The following SLC67A2 variants were observed in gnomAD, a reference collection of about 807,000 sequenced individuals.
SLC67A2 encodes solute carrier family 67 member 2, also known as solute carrier family 67 member A2.
At chr2:102,722,590 C>T in the SLC67A2 span, among the ~76,000 whole-genome samples, 1 of 152,264 alleles carries the variant, frequency 6.6e-6, no homozygotes. Context: ...TTAATCCCTT[C>T]CTCACATCAC....
the SLC67A2 span, among the ~76,000 whole-genome samples, chr2:102,725,252 C>T: frequency 1.3e-5 from 2 of 152,122 alleles, no homozygotes; most frequent in Non-Finnish European, 2.9e-5. Context: ...TGAAGCCCCC[C>T]GTGGCTTGCT....
At chr2:102,718,373 T>G in the SLC67A2 span, 1 of 1,600,826 alleles carries the variant, frequency 6.2e-7, no homozygotes, top group Non-Finnish European at 8.5e-7. Context: ...CCTCCGGCCC[T>G]CATTCAACCA....
chr2:102,730,682 A>G, the SLC67A2 span, among the ~76,000 whole-genome samples: 1 of 150,246 alleles, frequency 6.7e-6, no homozygotes, highest in African/African-American at 2.5e-5. Flanking sequence ...AGCTGGGACT[A>G]CAGGTGCCTG....
chr2:102,723,013 C>T, the SLC67A2 span, among the ~76,000 whole-genome samples: 1 of 152,120 alleles, frequency 6.6e-6, no homozygotes, highest in African/African-American at 2.4e-5. Flanking sequence ...TCTGAATAGA[C>T]ATTTCTCCAA....
At chr2:102,730,721 CT>C in the SLC67A2 span, among the ~76,000 whole-genome samples, 21 of 150,694 alleles carry the variant, frequency 1.4e-4, no homozygotes, top group Non-Finnish European at 2.5e-4. Flanking sequence ...TTTTTTGTAT[CT>C]TTTTTTTTAG....
At chr2:102,722,172 A>G in the SLC67A2 span, among the ~76,000 whole-genome samples, 1 of 152,280 alleles carries the variant, frequency 6.6e-6, no homozygotes, top group Non-Finnish European at 1.5e-5. Context: ...TCTTTTAGGC[A>G]GAATGGTCAG....
At chr2:102,729,558 C>T in the SLC67A2 span, among the ~76,000 whole-genome samples, 1 of 152,194 alleles carries the variant, frequency 6.6e-6, no homozygotes, top group Non-Finnish European at 1.5e-5. Flanking sequence ...CGACATTCTG[C>T]TTGACAAGCA....
chr2:102,730,025 A>T, the SLC67A2 span, among the ~76,000 whole-genome samples: 1 of 152,206 alleles, frequency 6.6e-6, no homozygotes, highest in African/African-American at 2.4e-5. Flanking sequence ...CTACTGATCA[A>T]TTGTGAGACT....
At chr2:102,730,286 G>A in the SLC67A2 span, among the ~76,000 whole-genome samples, 1 of 152,156 alleles carries the variant, frequency 6.6e-6, no homozygotes, top group Admixed American at 6.6e-5. Context: ...CTGGGCTCAA[G>A]CGATCCTCCA....
At chr2:102,729,780 T>C in the SLC67A2 span, among the ~76,000 whole-genome samples, 1 of 152,208 alleles carries the variant, frequency 6.6e-6, no homozygotes, top group Non-Finnish European at 1.5e-5. Flanking sequence ...ACTACTTTGC[T>C]GGGTTACTAT....
chr2:102,718,721 C>A, the SLC67A2 span: 1 of 1,613,884 alleles, frequency 6.2e-7, no homozygotes, highest in African/African-American at 1.3e-5. Flanking sequence ...GACAACTGCA[C>A]CCATGGTGGG....
chr2:102,718,591 C>T, the SLC67A2 span: 1 of 1,613,326 alleles, frequency 6.2e-7, no homozygotes, highest in Non-Finnish European at 8.5e-7. Flanking sequence ...CCACTGCAGT[C>T]ACAGACTGCC....
the SLC67A2 span, among the ~76,000 whole-genome samples, chr2:102,727,500 C>T: frequency 1.3e-5 from 2 of 152,096 alleles, no homozygotes; most frequent in Admixed American, 6.5e-5. Context: ...AAAACTTTGC[C>T]TTTGTTACCA....
chr2:102,723,589 A>T, the SLC67A2 span: 5 of 1,089,080 alleles, frequency 4.6e-6, no homozygotes, highest in South Asian at 7.5e-5. Flanking sequence ...TTGTTTTTGG[A>T]CGATGAGTCT....
At chr2:102,720,146 A>G in the SLC67A2 span, among the ~76,000 whole-genome samples, 2 of 152,230 alleles carry the variant, frequency 1.3e-5, no homozygotes, top group African/African-American at 4.8e-5. Flanking sequence ...AAGAGCACTT[A>G]AAAGTTCAAC....
chr2:102,718,606 G>A, the SLC67A2 span: 15 of 1,613,370 alleles, frequency 9.3e-6, no homozygotes, highest in African/African-American at 4.0e-5. Context: ...ACTGCCCCAC[G>A]CCAATAAGGG....
the SLC67A2 span, chr2:102,718,493 A>G: frequency 6.2e-7 from 1 of 1,614,118 alleles, no homozygotes; most frequent in Non-Finnish European, 8.5e-7. Context: ...GAAAATGGCC[A>G]CTAAGGCTAA....
At chr2:102,724,921 T>C in the SLC67A2 span, among the ~76,000 whole-genome samples, 1 of 152,236 alleles carries the variant, frequency 6.6e-6, no homozygotes, top group Non-Finnish European at 1.5e-5. Context: ...CCTAGACCTG[T>C]TTCCTTAAAT....
the SLC67A2 span, among the ~76,000 whole-genome samples, chr2:102,730,636 G>A: frequency 6.7e-6 from 1 of 150,362 alleles, no homozygotes; most frequent in African/African-American, 2.5e-5. Flanking sequence ...TCCGCCTCCC[G>A]GCTTCACACC....
Sources: gnomAD v4.1 joint callset for allele counts (sites outside exome capture counted in the v4.1 genomes callset) on GRCh38, gnomAD v4.1.1 for gene constraint, MANE v1.5 for transcripts, NCBI Gene and HGNC (gene_info 2026-07-23, HGNC 2026-07-21) for gene names.